KAT6A: variants seen among roughly 807,000 people sequenced by gnomAD.
KAT6A encodes the protein lysine acetyltransferase 6A.
In KAT6A, 9 loss-of-function variants were observed where a neutral mutation model predicts 198.4. The ratio of observed to expected loss-of-function variants is 0.05; its 90% CI spans 0.03 to 0.08. The LOEUF is 0.08. KAT6A is among the 10% of genes least tolerant of loss of function. The pLI is 1.00. For synonymous variants in KAT6A, 890 were observed against 883.0 expected (o/e 1.01, Z -0.14); for missense variants, 2,077 against 2,509.9 (o/e 0.83, Z 3.69).
At chr8:42,001,582 A>AT (rs1193208969) in intron 2 of KAT6A, among the ~76,000 whole-genome samples, 1 of 152,178 alleles carries the variant, frequency 6.6e-6, no homozygotes, top group Non-Finnish European at 1.5e-5. Context: ...TTTTTCAGTA[A>AT]TTTTTTAAAA....
chr8:41,979,872 G>A (rs1298754529), intron 5 of KAT6A, among the ~76,000 whole-genome samples: 2 of 152,094 alleles, frequency 1.3e-5, no homozygotes, highest in African/African-American at 4.8e-5. Flanking sequence ...GTCGTGGTAC[G>A]CCTGTAGTCC....
chr8:42,015,456 A>G (rs1826226580), intron 2 of KAT6A, among the ~76,000 whole-genome samples: 1 of 152,252 alleles, frequency 6.6e-6, no homozygotes, highest in Non-Finnish European at 1.5e-5. Flanking sequence ...CTCATAAAAC[A>G]GCATTTGCCT....
At chr8:41,981,795 T>C (rs774287775) in intron 4 of KAT6A, 44 bp downstream of exon 4, 2 of 1,169,422 alleles carry the variant, frequency 1.7e-6, no homozygotes, top group South Asian at 1.2e-5. Context: ...TCGTACATTC[T>C]ACTACTAAAT....
chr8:41,972,046 T>C lies in KAT6A; in HGVS notation c.1482+2658A>G, dbSNP rs577967571. 1.4e-4 allele frequency among the ~76,000 whole-genome samples: 21 copies of C among 152,236 alleles called. No individual in the cohort carries two copies. The East Asian group carries it at 4.1e-3, about 29-fold the overall frequency. ...TGCTGTGGCCAGAAGTAAATAAAAA[T>C]GATGATGATGTGTTAAAAGGACAGA... On this transcript the variant is annotated intron_variant, in intron 8 of 16. Transcript: ENST00000265713.
intron 2 of KAT6A, among the ~76,000 whole-genome samples, chr8:42,035,706 A>G (rs1827341111): frequency 6.6e-6 from 1 of 152,250 alleles, no homozygotes; most frequent in African/African-American, 2.4e-5. Context: ...ACTGTCCACA[A>G]GAGCAGTTTC....
rs745467008 is a variant in KAT6A, at chr8:41,932,162, T to C, written c.*43A>G. The C allele has an allele frequency of 6.9e-7, 1 of 1,442,944 alleles. No homozygotes were observed. The highest frequency in any genetic ancestry group is 2.4e-5 in the East Asian group (1 of 41,758). 89.4% of individuals were successfully genotyped at this position (1,442,944 alleles called of 1,614,324 possible). A position where few individuals can be genotyped will look rare whatever the true frequency, so the allele number is the denominator to read the frequency against. ...TGGTTTGTCAGTATAAAAGGTTCCT[T>C]TATTTATATATATTTAAGTTTTTGA... On this transcript the variant is annotated 3_prime_UTR_variant, in exon 17 of 17. Transcript: ENST00000265713.
intron 2 of KAT6A, among the ~76,000 whole-genome samples, chr8:42,037,027 G>A (rs1381524665): frequency 2.6e-5 from 4 of 152,088 alleles, no homozygotes; most frequent in Non-Finnish European, 5.9e-5. Flanking sequence ...CCCCACTACA[G>A]AGATGTTGGT....
At chr8:41,984,161 CCTAGGCATT>C (rs1396455958) in intron 3 of KAT6A, among the ~76,000 whole-genome samples, 1 of 152,206 alleles carries the variant, frequency 6.6e-6, no homozygotes, top group Non-Finnish European at 1.5e-5. Context: ...CAGGCTGCTC[CCTAGGCATT>C]CTTGCCTCCT....
chr8:41,941,609 A>C (rs1042356335), intron 14 of KAT6A, among the ~76,000 whole-genome samples, 165 bp from the exon 15 acceptor site: 1 of 152,212 alleles, frequency 6.6e-6, no homozygotes, highest in East Asian at 1.9e-4. Context: ...CACTGCTTTA[A>C]ATTCTGTATA....
At chr8:42,042,697 A>T (rs1044199298) in intron 2 of KAT6A, among the ~76,000 whole-genome samples, 2 of 152,196 alleles carry the variant, frequency 1.3e-5, no homozygotes, top group Non-Finnish European at 2.9e-5. Flanking sequence ...AGTTGACAAT[A>T]CCTACTCTTC....
chr8:42,051,757 C>A (rs921436093), intron 1 of KAT6A, 144 bp downstream of exon 1: 17 of 145,674 alleles, frequency 1.2e-4, no homozygotes, highest in African/African-American at 3.7e-4. Context: ...CGAGGCCTGG[C>A]GCAGAGCAGC....
intron 2 of KAT6A, among the ~76,000 whole-genome samples, chr8:42,045,439 G>A (rs1000798837): frequency 6.6e-6 from 1 of 151,798 alleles, no homozygotes; most frequent in African/African-American, 2.4e-5. Flanking sequence ...CAGCATGCCT[G>A]TAATCCCAGC....
chr8:42,049,975 T>C (rs1438659829), intron 1 of KAT6A, among the ~76,000 whole-genome samples: 4 of 152,226 alleles, frequency 2.6e-5, no homozygotes, highest in African/African-American at 7.2e-5. Context: ...ATTTTAAGAA[T>C]TACATGCTGA....
At chr8:41,998,284 A>C (rs562067289) in intron 2 of KAT6A, among the ~76,000 whole-genome samples, 22 of 152,130 alleles carry the variant, frequency 1.4e-4, no homozygotes, top group Non-Finnish European at 2.4e-4. Context: ...ATCTCTGCAA[A>C]ATTCGTTATT....
At position 41,978,713 on chromosome 8, in the gene KAT6A, T is replaced by TGCC; in HGVS notation, c.969_971dup (p.Ala325dup). On this transcript the variant is annotated inframe_insertion, in exon 6 of 17. Transcript: ENST00000265713. ...TAGTATAGCGCCGTTTTATCTGTGCTGCCTTCTTTTGTAGAAGTTTTCGTC... is the reference window on the plus strand; with the variant it reads ...TAGTATAGCGCCGTTTTATCTGTGCTGCCGCCTTCTTTTGTAGAAGTTTTCGTC... 3 of 1,614,034 alleles carry TGCC rather than the reference T, an allele frequency of 1.9e-6. No individual in the cohort carries two copies. In the South Asian group the frequency reaches 3.3e-5, roughly 18 times the overall value.
intron 2 of KAT6A, among the ~76,000 whole-genome samples, chr8:42,035,822 T>C (rs935433096): frequency 1.3e-5 from 2 of 152,194 alleles, no homozygotes; most frequent in Non-Finnish European, 2.9e-5. Context: ...AGGGTATACA[T>C]AGAAAGAAGG....
intron 2 of KAT6A, among the ~76,000 whole-genome samples, chr8:42,016,875 C>G (rs1826296363): frequency 1.3e-5 from 2 of 152,002 alleles, no homozygotes; most frequent in Non-Finnish European, 2.9e-5. Flanking sequence ...ACTAAACTAT[C>G]CAAATGACTC....
At chr8:41,957,682 G>A (rs1822990846) in intron 8 of KAT6A, 1 of 172,768 alleles carries the variant, frequency 5.8e-6, no homozygotes, top group Non-Finnish European at 1.2e-5. Flanking sequence ...ACTAACAGGG[G>A]GTAGCAAGGG....
At chr8:41,959,245 A>G (rs906571535) in intron 8 of KAT6A, among the ~76,000 whole-genome samples, 4 of 152,086 alleles carry the variant, frequency 2.6e-5, no homozygotes, top group Non-Finnish European at 5.9e-5. Flanking sequence ...TCATGAAAAG[A>G]TGCTCAACAT....
Sources: gnomAD v4.1 joint callset for allele counts (sites outside exome capture counted in the v4.1 genomes callset) on GRCh38, gnomAD v4.1.1 for gene constraint, MANE v1.5 for transcripts, NCBI Gene and HGNC (gene_info 2026-07-23, HGNC 2026-07-21) for gene names.